Variants in CHST11 observed in about 807,000 individuals in gnomAD.
The protein encoded by CHST11 is carbohydrate sulfotransferase 11, also known as C4S-1.
A neutral mutation model predicts 30.4 loss-of-function variants in CHST11; 9 were observed. That is an observed-to-expected ratio of 0.30 (90% confidence interval 0.18 to 0.52). The LOEUF (loss-of-function observed/expected upper bound fraction) is 0.52. Among genes scored for constraint, CHST11 ranks in the 20% least tolerant of loss-of-function variants. The pLI, the probability that CHST11 is intolerant of heterozygous loss-of-function variation, is 0.97. For missense variants in CHST11, 348 were observed against 460.6 expected (o/e 0.76, Z 2.24); for synonymous variants, 152 against 187.8 (o/e 0.81, Z 1.56).
intron 2 of CHST11, among the ~76,000 whole-genome samples, chr12:104,748,555 G>T (rs1308579893): frequency 2.6e-5 from 4 of 151,680 alleles, no homozygotes; most frequent in Non-Finnish European, 4.4e-5. Flanking sequence ...GAGGGGGGAG[G>T]GGGGAGATTA....
At chr12:104,645,585 G>C (rs1372238664) in intron 2 of CHST11, among the ~76,000 whole-genome samples, 1 of 152,072 alleles carries the variant, frequency 6.6e-6, no homozygotes, top group African/African-American at 2.4e-5. Flanking sequence ...CTGGGCTCTG[G>C]GGGGCCCTTC....
intron 2 of CHST11, among the ~76,000 whole-genome samples, chr12:104,720,374 G>A (rs2136126045): frequency 6.6e-6 from 1 of 152,372 alleles, no homozygotes; most frequent in African/African-American, 2.4e-5. Context: ...GGCAGGGCTG[G>A]GACTCATGGC....
At chr12:104,658,751 A>C (rs78774769) in intron 2 of CHST11, among the ~76,000 whole-genome samples, 2,147 of 151,692 alleles carry the variant, frequency 0.014, 29 homozygotes, top group African/African-American at 0.029. Context: ...AATGATAACT[A>C]CTCCTTAGTA....
At position 104,632,225 on chromosome 12, in the gene CHST11, G is replaced by A. The variant is rs572205921; in HGVS notation, c.204+30234G>A. On this transcript the variant is annotated intron_variant, in intron 2 of 2. Coordinates refer to ENST00000303694, the MANE Select transcript of CHST11 (RefSeq NM_018413.6). ...ATGGATGAATAGAATTGGGGGTGAT[G>A]ATATGGGGGAAGGATGGGGCACCAC... Among the ~76,000 whole-genome samples the A allele has an allele frequency of 1.2e-4, 18 of 152,190 alleles. No homozygotes were observed. The South Asian group carries it at 3.7e-3, about 32-fold the overall frequency.
chr12:104,579,541 A>G (rs2136030375), intron 1 of CHST11, among the ~76,000 whole-genome samples: 1 of 152,346 alleles, frequency 6.6e-6, no homozygotes, highest in South Asian at 2.1e-4. Flanking sequence ...GGCATTCGTT[A>G]TTATCATTCC....
intron 2 of CHST11, among the ~76,000 whole-genome samples, chr12:104,749,894 G>T (rs924563218): frequency 6.6e-6 from 1 of 152,350 alleles, no homozygotes; most frequent in Non-Finnish European, 1.5e-5. Context: ...CAAGGTTCAA[G>T]AAGTCCACAG....
At chr12:104,582,268 C>T (rs1592775890) in intron 1 of CHST11, among the ~76,000 whole-genome samples, 1 of 152,140 alleles carries the variant, frequency 6.6e-6, no homozygotes, top group East Asian at 1.9e-4. Flanking sequence ...CAGAAGATCA[C>T]TCTGCTGGCC....
chr12:104,710,543 A>G (rs978790357), intron 2 of CHST11, among the ~76,000 whole-genome samples: 7 of 151,636 alleles, frequency 4.6e-5, no homozygotes, highest in Non-Finnish European at 8.8e-5. Context: ...CCCAAGCATG[A>G]CCCCTCCCTG....
intron 2 of CHST11, among the ~76,000 whole-genome samples, chr12:104,667,889 G>C (rs61938646): frequency 0.076 from 11,589 of 152,236 alleles, 516 homozygotes; most frequent in South Asian, 0.16. Context: ...ATCTCTAGGG[G>C]TATGCACCCA....
rs147004894 is a variant in CHST11 at position 104,646,325 on chromosome 12, A to G, written c.204+44334A>G. On this transcript the variant is annotated intron_variant, in intron 2 of 2. Transcript: ENST00000303694. ...CCTCCACTTCACTTGGCCAACACCT[A>G]CTTAGTCTTCAGACCTTGTCTTAAA... is the stretch of plus-strand genomic sequence containing the variant. Among the ~76,000 whole-genome samples, 1,118 of 151,914 alleles carry G rather than the reference A, an allele frequency of 7.4e-3. 17 individuals are homozygous for G. Among genetic ancestry groups the G allele is most frequent in the African/African-American group, 0.025 (1,036 of 41,428 alleles).
intron 2 of CHST11, among the ~76,000 whole-genome samples, chr12:104,626,723 T>C (rs2039219016): frequency 6.6e-6 from 1 of 151,850 alleles, no homozygotes; most frequent in African/African-American, 2.4e-5. Context: ...CAGTTTTAGG[T>C]TCATGGCAAA....
intron 1 of CHST11, among the ~76,000 whole-genome samples, chr12:104,533,822 G>A (rs1359879616): frequency 2.6e-5 from 4 of 152,212 alleles, no homozygotes; most frequent in Non-Finnish European, 4.4e-5. Context: ...GCCAATGGAT[G>A]TTCAGAGAGA....
chr12:104,537,362 C>T (rs995285076), intron 1 of CHST11, among the ~76,000 whole-genome samples: 1 of 152,156 alleles, frequency 6.6e-6, no homozygotes, highest in African/African-American at 2.4e-5. Context: ...CCTTGAGATA[C>T]CCAGCATGTG....
chr12:104,664,108 G>A (rs1448249699), intron 2 of CHST11, among the ~76,000 whole-genome samples: 2 of 152,126 alleles, frequency 1.3e-5, no homozygotes, highest in African/African-American at 4.8e-5. Context: ...TTACAGTGGA[G>A]GCATCTCAAG....
chr12:104,473,191 C>G (rs1333920947), intron 1 of CHST11, among the ~76,000 whole-genome samples: 2 of 152,022 alleles, frequency 1.3e-5, no homozygotes, highest in Non-Finnish European at 2.9e-5. Context: ...GAAATCGTTT[C>G]TATTATCATC....
At chr12:104,610,043 C>CTGTGTGTGTGTGTG (rs56983056) in intron 2 of CHST11, among the ~76,000 whole-genome samples, 19 of 143,182 alleles carry the variant, frequency 1.3e-4, no homozygotes, top group African/African-American at 4.4e-4. Context: ...ATGAGTGCCT[C>CTGTGTGTGTGTGTG]TGTGTGTGTG....
At chr12:104,612,791 A>C (rs755506773) in intron 2 of CHST11, among the ~76,000 whole-genome samples, 1 of 152,242 alleles carries the variant, frequency 6.6e-6, no homozygotes, top group Admixed American at 6.5e-5. Context: ...AGGTTCTCCA[A>C]GAAATTAAAA....
rs555487225 is a variant in CHST11 at position 104,460,557 on chromosome 12, C to T, written c.118+3028C>T. On this transcript the variant is annotated intron_variant, in intron 1 of 2. Coordinates refer to ENST00000303694, the MANE Select transcript of CHST11 (RefSeq NM_018413.6). ...CACACGCCTGTAATCCCAGGAACTC[C>T]GGAGGCTGAGGCATGAGAATAGCAT... Among the ~76,000 whole-genome samples, 11 of 151,448 alleles carry T rather than the reference C, an allele frequency of 7.3e-5. No individual in the cohort carries two copies. The East Asian group carries it at 1.2e-3, about 16-fold the overall frequency.
At chr12:104,643,798 G>A (rs61938618) in intron 2 of CHST11, among the ~76,000 whole-genome samples, 1,904 of 152,268 alleles carry the variant, frequency 0.013, 16 homozygotes, top group South Asian at 0.03. Flanking sequence ...TCTCATGAGC[G>A]TGTTTTCCAG....
Sources: allele counts gnomAD v4.1 joint callset (sites outside exome capture counted in the v4.1 genomes callset), GRCh38; gene constraint gnomAD v4.1.1; transcripts MANE v1.5; gene names NCBI Gene and HGNC (gene_info 2026-07-23, HGNC 2026-07-21).